The following ERN2 variants were observed in gnomAD, a reference collection of about 807,000 sequenced individuals.
ERN2 encodes the protein serine/threonine-protein kinase/endoribonuclease IRE2.
A neutral mutation model predicts 107.9 loss-of-function variants in ERN2; 111 were observed. That is an observed-to-expected ratio of 1.03 (90% CI 0.88 to 1.20). The LOEUF (loss-of-function observed/expected upper bound fraction) is 1.20, where lower values mean the gene tolerates loss of function less well. ERN2 is among the 50% of genes most tolerant of loss of function. The probability of loss-of-function intolerance (pLI) is 0.00; values close to 1 mark genes in which losing one functional copy is unlikely to be tolerated. For synonymous variants in ERN2, 524 were observed against 501.7 expected, an observed-to-expected ratio of 1.04 and a Z score of -0.59; for missense variants, 1,225 against 1,197.9, an observed-to-expected ratio of 1.02 and a Z score of -0.33.
intron 8 of ERN2, among the ~76,000 whole-genome samples, chr16:23,704,469 C>T (rs891476731): frequency 6.6e-5 from 10 of 152,174 alleles, no homozygotes; most frequent in African/African-American, 1.7e-4. Flanking sequence ...CTTTGCCTGC[C>T]GCCATCCACG....
Position 23,710,517 on chromosome 16 carries a change from CTG to C in ERN2, c.230_231del (p.Thr77ArgfsTer7). The C allele has an allele frequency of 6.2e-7, 1 of 1,614,220 alleles. No homozygotes were observed. The highest frequency in any genetic ancestry group is 8.5e-7 in the Non-Finnish European group (1 of 1,180,046). On this transcript the variant is annotated frameshift_variant and splice_region_variant, in exon 3 of 22. Transcript: ENST00000256797. LOFTEE classifies it high-confidence loss of function. Reference sequence around the variant, plus strand: ...TTAAAAGGCCCCAGGTTCACTTACTCTGTGACGTACATTGGTCCTTCGATGAC... The same window carrying C: ...TTAAAAGGCCCCAGGTTCACTTACTCTGACGTACATTGGTCCTTCGATGAC... ...DPVIEGPMYV[T>X]EMAFLSDPAD... is the part of the protein sequence containing the mutation.
intron 2 of ERN2, 54 bp from the exon 3 acceptor site, chr16:23,710,603 A>T (rs1960502264): frequency 1.3e-6 from 2 of 1,589,706 alleles, no homozygotes; most frequent in African/African-American, 2.7e-5. Flanking sequence ...CCCACTGAAA[A>T]GCACAGCTCA....
rs1049875926 is a variant in ERN2, at chr16:23,690,604, G to A, written c.*227C>T. 16 of 558,848 alleles carry A rather than the reference G, an allele frequency of 2.9e-5. No homozygotes were observed. Among genetic ancestry groups the A allele is most frequent in the Middle Eastern group, 4.9e-4 (1 of 2,022 alleles). 34.6% of individuals were successfully genotyped at this position (558,848 alleles called of 1,614,324 possible). A position where few individuals can be genotyped will look rare whatever the true frequency, so the allele number is the denominator to read the frequency against. ...CAAGCAGCTGGGACTACAGGCGTGC[G>A]CCACCATGCCTGGCTAATTTTACAA... On this transcript the variant is annotated 3_prime_UTR_variant, in exon 22 of 22. Transcript: ENST00000256797.
intron 1 of ERN2, 141 bp from the exon 2 acceptor site, chr16:23,711,159 T>C (rs748314453): frequency 1.6e-4 from 97 of 610,834 alleles, no homozygotes; most frequent in Non-Finnish European, 2.6e-4. Flanking sequence ...GGGAACGTGC[T>C]GGTGTCACTC....
At chr16:23,708,421 G>C (rs1426372044) in intron 4 of ERN2, among the ~76,000 whole-genome samples, 1 of 141,506 alleles carries the variant, frequency 7.1e-6, no homozygotes. Flanking sequence ...CAGTGGTGCG[G>C]TCTTGGCTCG....
chr16:23,702,281 G>C lies in ERN2; in HGVS notation c.1082-8C>G, dbSNP rs781351929. On this transcript the variant is annotated splice_region_variant and splice_polypyrimidine_tract_variant and intron_variant, in intron 10 of 21. Coordinates refer to ENST00000256797, the MANE Select transcript of ERN2 (RefSeq NM_033266.4). ...GGGGTAGCTCGTGGTGTCCTAAGGT[G>C]GGGGGCAAAAGTCATCAGGCTGAAG... 1.2e-6 allele frequency: 2 copies of C among 1,613,896 alleles called. No homozygotes were observed. The highest frequency in any genetic ancestry group is 1.3e-5 in the African/African-American group (1 of 75,050).
At position 23,695,876 on chromosome 16, in the gene ERN2, C is replaced by T; in HGVS notation, c.1610+18G>A. On this transcript the variant is annotated intron_variant, in intron 14 of 21. Coordinates refer to ENST00000256797, the MANE Select transcript of ERN2 (RefSeq NM_033266.4). The stretch of plus-strand genomic sequence containing the variant: ...TGTGAGTGCCATGTCCCCAGCTTGG[C>T]TCCTGGCTGCCACTCACCGGAAAAC... 6.2e-7 allele frequency: 1 copy of T among 1,607,352 alleles called. No homozygotes were observed. The highest frequency in any genetic ancestry group is 8.5e-7 in the Non-Finnish European group (1 of 1,174,130).
In ERN2 at chr16:23,692,068, C is replaced by G; in HGVS notation, c.2271G>C (p.Leu757=). The G allele has an allele frequency of 6.2e-7, 1 of 1,613,826 alleles. No individual in the cohort carries two copies. The highest frequency in any genetic ancestry group is 1.1e-5 in the South Asian group (1 of 91,082). ...GCAGTGGGCTCAACATGGCTCCAAC[C>G]AGGTCCCGGGCAACCACCTTGTCTG... ...EVHDKVVARD[L]VGAMLSPLPQ... Residue 757 remains leucine, a synonymous_variant, in exon 19 of 22, where the codon CTG becomes CTC. Transcript: ENST00000256797.
At chr16:23,695,555 C>T (rs1959780108) in intron 14 of ERN2, among the ~76,000 whole-genome samples, 166 bp from the exon 15 acceptor site, 1 of 151,620 alleles carries the variant, frequency 6.6e-6, no homozygotes, top group Non-Finnish European at 1.5e-5. Context: ...GTGAAACCCC[C>T]ATCTCTACTA....
chr16:23,690,367 C>CT lies in ERN2; in HGVS notation c.*463dup. ...TGCACATTAAACAGATGTGAATATT[C>CT]TTTTTCTTGTATTTCCTGAGGGGTG... On this transcript the variant is annotated 3_prime_UTR_variant, in exon 22 of 22. Transcript: ENST00000256797. 1 of 507,480 alleles carries CT rather than the reference C, an allele frequency of 2.0e-6. No homozygotes were observed. Among genetic ancestry groups the CT allele is most frequent in the South Asian group, 2.4e-5 (1 of 40,904 alleles). The allele number at this position is 507,480 out of a possible 1,614,324, so 31.4% of individuals were successfully genotyped here. A position where few individuals can be genotyped will look rare whatever the true frequency, so the allele number is the denominator to read the frequency against.
At chr16:23,706,286 G>T in intron 7 of ERN2, 44 bp downstream of exon 7, 1 of 1,345,268 alleles carries the variant, frequency 7.4e-7, no homozygotes, top group Non-Finnish European at 1.0e-6. Flanking sequence ...TCCCTGGGTT[G>T]GGGACCTTGC....
chr16:23,692,277 C>T lies in ERN2; in HGVS notation c.2155G>A (p.Gly719Ser). 3 of 1,614,012 alleles carry T rather than the reference C, an allele frequency of 1.9e-6. No homozygotes were observed. The change falls in exon 18 of 22, where the codon GGT becomes AGT. Residue 719 changes from glycine (G) to serine (S), a missense_variant. Transcript: ENST00000256797. Reference sequence around the variant, plus strand: ...CTGTCTCCAAAGGGGTGGCTGCCACCAGAAAGCACGTAGTAGAACACGCAG... The same window carrying T: ...CTGTCTCCAAAGGGGTGGCTGCCACTAGAAAGCACGTAGTAGAACACGCAG... ...AGCVFYYVLSGGSHPFGDSLY... is the reference protein window; with the variant it reads ...AGCVFYYVLSSGSHPFGDSLY...
At chr16:23,712,795 C>G (rs993533476) in intron 1 of ERN2, 3 of 374,880 alleles carry the variant, frequency 8.0e-6, no homozygotes, top group African/African-American at 6.3e-5. Flanking sequence ...GCCTGGCTTT[C>G]GTGCCCAGGT....
chr16:23,691,260 A>G (rs754017290), intron 20 of ERN2, 42 bp downstream of exon 20: 14 of 1,611,972 alleles, frequency 8.7e-6, no homozygotes, highest in Non-Finnish European at 2.5e-6. Flanking sequence ...GCCCAGGCCC[A>G]CTCCCCTCCA....
chr16:23,700,781 A>G (rs1267573860), intron 12 of ERN2, 77 bp from the exon 13 acceptor site: 2 of 1,523,326 alleles, frequency 1.3e-6, no homozygotes, highest in East Asian at 2.3e-5. Flanking sequence ...TGTGACTGAG[A>G]TGGCCTCACC....
At chr16:23,712,945 T>C (rs1960600433) in intron 1 of ERN2, 150 bp downstream of exon 1, 1 of 598,244 alleles carries the variant, frequency 1.7e-6, no homozygotes, top group East Asian at 3.3e-5. Flanking sequence ...AGGAGGCTTT[T>C]ACTCCGTTGG....
At position 23,691,324 on chromosome 16, in the gene ERN2, G is replaced by C. The variant is rs770811311; in HGVS notation, c.2478C>G (p.His826Gln). ...CAVVRDNWHEHISMPLQTDLR... is the reference protein window; with the variant it reads ...CAVVRDNWHEQISMPLQTDLR... ...TACCTGTCTGCAGCGGCATGGAGAT[G>C]TGCTCGTGCCAGTTGTCCCGGACCA... is the stretch of plus-strand genomic sequence containing the variant. The change falls in exon 20 of 22, where the codon CAC becomes CAG. Residue 826 changes from histidine (H) to glutamine (Q), a missense_variant. Physicochemically the swap from His to Gln is conservative, Grantham distance 24. Coordinates refer to ENST00000256797, the MANE Select transcript of ERN2 (RefSeq NM_033266.4). The C allele has an allele frequency of 6.2e-7, 1 of 1,609,624 alleles. No homozygotes were observed. Among genetic ancestry groups the C allele is most frequent in the Non-Finnish European group, 8.5e-7 (1 of 1,179,970 alleles).
intron 13 of ERN2, among the ~76,000 whole-genome samples, chr16:23,698,988 A>G (rs1390525199): frequency 1.3e-5 from 2 of 152,334 alleles, no homozygotes; most frequent in East Asian, 1.9e-4. Flanking sequence ...TCCTGGGGAA[A>G]GATGGAGTCC....
In ERN2 at chr16:23,694,801, A is replaced by T. The variant is rs757656556; in HGVS notation, c.2027T>A (p.Leu676His). ...KLPAGRCSFS[L>H]HSGIPGTEGW... ...TTCCGTGCCGGGGATGCCGGAGTGG[A>T]GGCTGAAGCTACAGCGGCCAGCAGG... Residue 676 changes from leucine (L) to histidine (H), a missense_variant, in exon 17 of 22, where the codon CTC (leucine) becomes CAC (histidine). By Grantham distance (99) the Leu-to-His change is moderately conservative. Transcript: ENST00000256797. 6.2e-7 allele frequency: 1 copy of T among 1,613,698 alleles called. No individual in the cohort carries two copies. Among genetic ancestry groups the T allele is most frequent in the South Asian group, 1.1e-5 (1 of 91,008 alleles).
Sources: allele counts gnomAD v4.1 joint callset (sites outside exome capture counted in the v4.1 genomes callset), GRCh38; gene constraint gnomAD v4.1.1; transcripts MANE v1.5; gene names NCBI Gene and HGNC (gene_info 2026-07-23, HGNC 2026-07-21).